CPA6: variants seen among roughly 807,000 people sequenced by gnomAD.
CPA6 encodes the protein carboxypeptidase B.
Under a neutral mutation model 63.3 loss-of-function variants are expected in CPA6, and 58 were observed. That is an observed-to-expected ratio of 0.92 (90% CI 0.74 to 1.14). The LOEUF (loss-of-function observed/expected upper bound fraction) is 1.14. Ranked by LOEUF, CPA6 falls within the 50% of genes most tolerant of loss-of-function variation. The probability of loss-of-function intolerance (pLI) is 0.00; values close to 1 mark genes in which losing one functional copy is unlikely to be tolerated. For missense variants in CPA6, 565 were observed against 526.6 expected (o/e 1.07, Z -0.71); for synonymous variants, 185 against 179.0 (o/e 1.03, Z -0.27).
intron 2 of CPA6, among the ~76,000 whole-genome samples, chr8:67,590,051 C>G (rs888072819): frequency 2.0e-5 from 3 of 151,648 alleles, no homozygotes; most frequent in African/African-American, 7.3e-5. Context: ...CCCCCCACCC[C>G]ACAACAGTCC....
chr8:67,558,397 C>G (rs1182410062), intron 2 of CPA6, among the ~76,000 whole-genome samples: 1 of 152,156 alleles, frequency 6.6e-6, no homozygotes, highest in African/African-American at 2.4e-5. Flanking sequence ...ATAATATAAA[C>G]TCCATGAGGG....
intron 1 of CPA6, among the ~76,000 whole-genome samples, chr8:67,739,506 G>T (rs1817873803): frequency 6.6e-6 from 1 of 152,174 alleles, no homozygotes; most frequent in Non-Finnish European, 1.5e-5. Flanking sequence ...GTCCTTTGTA[G>T]TTCCTAACGC....
intron 2 of CPA6, among the ~76,000 whole-genome samples, chr8:67,541,542 G>T (rs1322868705): frequency 6.6e-6 from 1 of 152,080 alleles, no homozygotes; most frequent in African/African-American, 2.4e-5. Context: ...AATCGATCAC[G>T]ATCCTCTCTT....
intron 2 of CPA6, among the ~76,000 whole-genome samples, chr8:67,610,709 T>C (rs1814783226): frequency 6.6e-6 from 1 of 152,148 alleles, no homozygotes; most frequent in African/African-American, 2.4e-5. Context: ...CCTCAGCACA[T>C]GTACATGTCC....
chr8:67,467,487 A>C (rs1056801897), intron 8 of CPA6, among the ~76,000 whole-genome samples: 2 of 152,088 alleles, frequency 1.3e-5, no homozygotes, highest in African/African-American at 2.4e-5. Context: ...GCTTGTATCC[A>C]CCAGGTACTC....
At chr8:67,517,522 C>T (rs74607852) in intron 3 of CPA6, among the ~76,000 whole-genome samples, 3,381 of 152,308 alleles carry the variant, frequency 0.022, 54 homozygotes, top group Middle Eastern at 0.041. Context: ...ATACACTAAC[C>T]ACTCTGCACT....
At chr8:67,732,868 T>C (rs1244459172) in intron 1 of CPA6, among the ~76,000 whole-genome samples, 3 of 152,076 alleles carry the variant, frequency 2.0e-5, no homozygotes, top group African/African-American at 7.2e-5. Context: ...TCCAGCCATG[T>C]CACCCTGCTG....
intron 1 of CPA6, among the ~76,000 whole-genome samples, chr8:67,668,144 C>CA (rs1816270743): frequency 6.6e-6 from 1 of 152,230 alleles, no homozygotes; most frequent in Non-Finnish European, 1.5e-5. Flanking sequence ...AAAGGCTTTG[C>CA]TCAACATGCT....
At chr8:67,440,525 C>T (rs543520641) in intron 8 of CPA6, among the ~76,000 whole-genome samples, 16 of 152,098 alleles carry the variant, frequency 1.1e-4, no homozygotes, top group African/African-American at 3.1e-4. Flanking sequence ...GAGCCAAGAT[C>T]GTGCCACTGT....
intron 2 of CPA6, among the ~76,000 whole-genome samples, chr8:67,534,244 T>A (rs939407717): frequency 2.0e-5 from 3 of 152,230 alleles, no homozygotes; most frequent in Non-Finnish European, 2.9e-5. Flanking sequence ...GAATATGTCA[T>A]GGATACTGTC....
chr8:67,731,212 C>T (rs1817699160), intron 1 of CPA6, among the ~76,000 whole-genome samples: 1 of 152,162 alleles, frequency 6.6e-6, no homozygotes, highest in South Asian at 2.1e-4. Flanking sequence ...TAATTAAATG[C>T]TGTCTATACA....
intron 2 of CPA6, among the ~76,000 whole-genome samples, chr8:67,573,601 G>C (rs111510953): frequency 8.9e-4 from 136 of 152,054 alleles, no homozygotes; most frequent in African/African-American, 3.1e-3. Flanking sequence ...TATAAAATAT[G>C]AAGGAAAGAG....
intron 2 of CPA6, among the ~76,000 whole-genome samples, chr8:67,529,773 C>G (rs533265887): frequency 4.6e-5 from 7 of 152,218 alleles, no homozygotes; most frequent in African/African-American, 1.7e-4. Context: ...AGAAAAATAA[C>G]TCAATAGTGT....
intron 2 of CPA6, among the ~76,000 whole-genome samples, chr8:67,592,295 T>C (rs1376292578): frequency 1.3e-5 from 2 of 152,222 alleles, no homozygotes; most frequent in African/African-American, 4.8e-5. Flanking sequence ...TTGCCAGTAT[T>C]TTATTGAGGA....
At chr8:67,629,344 C>T (rs1041684921) in intron 1 of CPA6, among the ~76,000 whole-genome samples, 6 of 151,154 alleles carry the variant, frequency 4.0e-5, no homozygotes, top group African/African-American at 7.3e-5. Flanking sequence ...AGCTGGGCAT[C>T]ATGGCACATA....
chr8:67,489,296 GCT>G (rs990011875), intron 6 of CPA6, among the ~76,000 whole-genome samples: 1 of 151,862 alleles, frequency 6.6e-6, no homozygotes, highest in African/African-American at 2.4e-5. Context: ...GGAAAGATTG[GCT>G]CACTAACTTG....
chr8:67,506,676 G>A, intron 6 of CPA6, 111 bp downstream of exon 6: 1 of 708,932 alleles, frequency 1.4e-6, no homozygotes, highest in Non-Finnish European at 2.6e-6. Context: ...AGGTGTTACT[G>A]TTATTCAATC....
chr8:67,608,113 A>G (rs1410874053), intron 2 of CPA6, among the ~76,000 whole-genome samples: 1 of 152,178 alleles, frequency 6.6e-6, no homozygotes, highest in African/African-American at 2.4e-5. Context: ...TTAAAGTTTC[A>G]GCTGAGAAAA....
At chr8:67,716,445 G>T (rs1464363842) in intron 1 of CPA6, among the ~76,000 whole-genome samples, 1 of 152,152 alleles carries the variant, frequency 6.6e-6, no homozygotes. Flanking sequence ...GAGACAAATG[G>T]TTACATTCTT....
Sources: gnomAD v4.1 joint callset for allele counts (sites outside exome capture counted in the v4.1 genomes callset) on GRCh38, gnomAD v4.1.1 for gene constraint, MANE v1.5 for transcripts, NCBI Gene and HGNC (gene_info 2026-07-23, HGNC 2026-07-21) for gene names.